Variants in ST3GAL3 observed in about 807,000 individuals in gnomAD.
The protein encoded by ST3GAL3 is ST3 beta-galactoside alpha-2,3-sialyltransferase 3.
In ST3GAL3, 21 loss-of-function variants were observed where a neutral mutation model predicts 50.1. That is an observed-to-expected ratio of 0.42 (90% CI 0.30 to 0.60). The LOEUF is 0.60. Ranked by LOEUF, ST3GAL3 falls within the 20% of genes least tolerant of loss-of-function variation. The pLI is 0.19. For missense variants in ST3GAL3, 353 were observed against 489.4 expected (o/e 0.72, Z 2.63); for synonymous variants, 183 against 190.0 (o/e 0.96, Z 0.30).
rs762088938 is a variant in ST3GAL3 at position 43,824,697 on chromosome 1, T to G, written c.209+9764T>G. On this transcript the variant is annotated intron_variant, in intron 4 of 11. Transcript: ENST00000347631. ...CTCCTAGACATCTTGAGCTATGTGATCAAGACTGAAAAAGCCAAATTCCCA... is the reference window on the plus strand; with the variant it reads ...CTCCTAGACATCTTGAGCTATGTGAGCAAGACTGAAAAAGCCAAATTCCCA... 7 of 1,613,508 alleles carry G rather than the reference T, an allele frequency of 4.3e-6. No homozygotes were observed. In the East Asian group the frequency reaches 1.6e-4, roughly 36 times the overall value.
chr1:43,795,336 A>C (rs913590068), intron 3 of ST3GAL3, among the ~76,000 whole-genome samples: 4 of 152,232 alleles, frequency 2.6e-5, no homozygotes, highest in African/African-American at 9.6e-5. Context: ...AAGATAGATC[A>C]AGTTGATTCA....
At chr1:43,893,528 C>T (rs1356262081) in intron 5 of ST3GAL3, among the ~76,000 whole-genome samples, 2 of 125,380 alleles carry the variant, frequency 1.6e-5, no homozygotes, top group Non-Finnish European at 3.6e-5. Context: ...TCTCCCTCTT[C>T]CTCACTTCCC....
At position 43,838,434 on chromosome 1, in the gene ST3GAL3, G is replaced by A. The variant is rs923334214; in HGVS notation, c.302+123G>A. 3.1e-5 allele frequency: 29 copies of A among 937,140 alleles called. No individual in the cohort carries two copies. In the African/African-American group the frequency reaches 4.1e-4, roughly 13 times the overall value. 58.1% of individuals were successfully genotyped at this position (937,140 alleles called of 1,614,324 possible). A position where few individuals can be genotyped will look rare whatever the true frequency, so the allele number is the denominator to read the frequency against. The stretch of plus-strand genomic sequence containing the variant: ...TCTGGAAACCATGGGTTCCTGGAAA[G>A]GACTCTGCCTTTAAGTTGGTTCCTA... On this transcript the variant is annotated intron_variant, in intron 5 of 11. Coordinates refer to ENST00000347631, the MANE Select transcript of ST3GAL3 (RefSeq NM_006279.5).
At chr1:43,761,108 G>A (rs1405840891) in intron 2 of ST3GAL3, among the ~76,000 whole-genome samples, 1 of 152,212 alleles carries the variant, frequency 6.6e-6, no homozygotes, top group Non-Finnish European at 1.5e-5. Context: ...ACCATTATCT[G>A]CCAAGGCCAC....
chr1:43,777,851 A>G (rs759908894), intron 2 of ST3GAL3, among the ~76,000 whole-genome samples: 1 of 152,220 alleles, frequency 6.6e-6, no homozygotes, highest in Admixed American at 6.5e-5. Flanking sequence ...TAGTTCAACC[A>G]TTGTGGAAGA....
chr1:43,876,569 G>A (rs1341964004), intron 5 of ST3GAL3, among the ~76,000 whole-genome samples: 3 of 152,164 alleles, frequency 2.0e-5, no homozygotes, highest in Non-Finnish European at 4.4e-5. Flanking sequence ...TGGAACTGCT[G>A]AAGATCTTCC....
At chr1:43,825,403 T>C (rs1301013665) in intron 4 of ST3GAL3, among the ~76,000 whole-genome samples, 1 of 152,258 alleles carries the variant, frequency 6.6e-6, no homozygotes, top group African/African-American at 2.4e-5. Flanking sequence ...AGTTTTTGGT[T>C]ACCAATTTTT....
chr1:43,904,860 T>TTC (rs2078938183), intron 9 of ST3GAL3, among the ~76,000 whole-genome samples: 27 of 127,932 alleles, frequency 2.1e-4, no homozygotes, highest in South Asian at 1.1e-3. Context: ...CCACTCTTCC[T>TTC]CCTCCTCCTC....
chr1:43,707,840 G>A (rs944648802), intron 1 of ST3GAL3, 147 bp downstream of exon 1: 4 of 152,304 alleles, frequency 2.6e-5, no homozygotes, highest in African/African-American at 9.6e-5. Flanking sequence ...AGGCGGGGTC[G>A]GGGCACGGCC....
At chr1:43,909,857 A>G (rs973950921) in intron 9 of ST3GAL3, among the ~76,000 whole-genome samples, 6 of 152,266 alleles carry the variant, frequency 3.9e-5, no homozygotes, top group African/African-American at 1.4e-4. Flanking sequence ...AGAAAGAAAG[A>G]TAACTAGTAA....
At chr1:43,894,777 G>T (rs990220577) in intron 6 of ST3GAL3, among the ~76,000 whole-genome samples, 1 of 151,804 alleles carries the variant, frequency 6.6e-6, no homozygotes, top group East Asian at 1.9e-4. Flanking sequence ...CCATAGGCAC[G>T]CACCACCATG....
intron 2 of ST3GAL3, among the ~76,000 whole-genome samples, chr1:43,764,035 G>A (rs897133304): frequency 1.3e-5 from 2 of 152,202 alleles, no homozygotes; most frequent in East Asian, 1.9e-4. Context: ...GATAGTGTGT[G>A]TAGAGCTCTT....
intron 5 of ST3GAL3, chr1:43,840,414 T>G (rs2065181579): frequency 6.6e-6 from 1 of 152,180 alleles, no homozygotes; most frequent in Non-Finnish European, 1.5e-5. Context: ...TCTTATGTCC[T>G]TCTCACATTT....
At chr1:43,917,382 C>T (rs2154291699) in intron 9 of ST3GAL3, among the ~76,000 whole-genome samples, 1 of 135,660 alleles carries the variant, frequency 7.4e-6, no homozygotes, top group Non-Finnish European at 1.5e-5. Context: ...GCATTTCTTA[C>T]TATTTGTGAC....
At chr1:43,777,180 C>CT (rs1441433416) in intron 2 of ST3GAL3, among the ~76,000 whole-genome samples, 4 of 152,178 alleles carry the variant, frequency 2.6e-5, no homozygotes, top group African/African-American at 9.7e-5. Flanking sequence ...TTACACATCT[C>CT]TAAGTCATAC....
chr1:43,928,663 CT>C (rs1192235401), intron 11 of ST3GAL3, among the ~76,000 whole-genome samples: 1 of 151,658 alleles, frequency 6.6e-6, no homozygotes, highest in Non-Finnish European at 1.5e-5. Context: ...AATCCCAGCA[CT>C]TTGGGAGGCT....
intron 3 of ST3GAL3, among the ~76,000 whole-genome samples, chr1:43,798,982 G>A (rs149087044): frequency 7.2e-5 from 11 of 152,364 alleles, no homozygotes; most frequent in African/African-American, 2.4e-4. Context: ...AGTAACTGCA[G>A]TCATTTAAAA....
intron 2 of ST3GAL3, chr1:43,736,750 T>G: frequency 2.9e-6 from 1 of 345,922 alleles, no homozygotes; most frequent in East Asian, 7.4e-5. Context: ...AGTATTGAAG[T>G]TGGTTTCCAT....
At chr1:43,739,981 T>G (rs1176275357) in intron 2 of ST3GAL3, among the ~76,000 whole-genome samples, 3 of 152,280 alleles carry the variant, frequency 2.0e-5, no homozygotes, top group Non-Finnish European at 2.9e-5. Context: ...ATTTTTAATA[T>G]ATATTTTAAT....
Sources: allele counts gnomAD v4.1 joint callset (sites outside exome capture counted in the v4.1 genomes callset), GRCh38; gene constraint gnomAD v4.1.1; transcripts MANE v1.5; gene names NCBI Gene and HGNC (gene_info 2026-07-23, HGNC 2026-07-21).